FAM110B: variants seen among roughly 807,000 people sequenced by gnomAD.
FAM110B encodes protein FAM110B.
In FAM110B, 6 loss-of-function variants were observed where a neutral mutation model predicts 20.4. The ratio of observed to expected loss-of-function variants is 0.29; its 90% CI spans 0.16 to 0.58. The LOEUF (loss-of-function observed/expected upper bound fraction) is 0.58, where lower values mean the gene tolerates loss of function less well. Among genes scored for constraint, FAM110B ranks in the 20% least tolerant of loss-of-function variants. The pLI is 0.90. For missense variants in FAM110B, 434 were observed against 498.2 expected, an observed-to-expected ratio of 0.87 and a Z score of 1.23; for synonymous variants, 226 against 214.1, an observed-to-expected ratio of 1.06 and a Z score of -0.49.
At chr8:58,002,650 C>G (rs1485642213) in intron 1 of FAM110B, among the ~76,000 whole-genome samples, 3 of 152,168 alleles carry the variant, frequency 2.0e-5, no homozygotes, top group Non-Finnish European at 4.4e-5. Context: ...AAGTGAGTCA[C>G]TTGAATTTTT....
intron 3 of FAM110B, among the ~76,000 whole-genome samples, chr8:58,112,299 A>G (rs567447291): frequency 2.6e-5 from 4 of 152,360 alleles, no homozygotes; most frequent in African/African-American, 9.6e-5. Context: ...ACTGCACTCC[A>G]GCCTGGGTGA....
chr8:58,004,724 G>C (rs1804367132), intron 1 of FAM110B, among the ~76,000 whole-genome samples: 3 of 152,310 alleles, frequency 2.0e-5, no homozygotes, highest in South Asian at 4.1e-4. Flanking sequence ...CAGCCTGGGC[G>C]ACAGAGCAAA....
intron 3 of FAM110B, among the ~76,000 whole-genome samples, chr8:58,133,943 G>A (rs1419840560): frequency 1.3e-5 from 2 of 152,204 alleles, no homozygotes; most frequent in Non-Finnish European, 2.9e-5. Context: ...TATATTTCAA[G>A]TGCAAATTGT....
At chr8:58,094,044 C>T (rs1157970768) in intron 3 of FAM110B, among the ~76,000 whole-genome samples, 2 of 152,134 alleles carry the variant, frequency 1.3e-5, no homozygotes, top group African/African-American at 2.4e-5. Flanking sequence ...ATTTGGCTCT[C>T]TGTTTGTCTA....
At position 58,146,114 on chromosome 8, in the gene FAM110B, ACT is replaced by A; in HGVS notation, c.-115_-114del. On this transcript the variant is annotated 5_prime_UTR_variant, in exon 4 of 4. Coordinates refer to ENST00000519262, the MANE Select transcript of FAM110B (RefSeq NM_001377989.1). The stretch of plus-strand genomic sequence containing the variant: ...CGCTGCTGCGGCCGCTGCTGCTGAC[ACT>A]CGCTCCCAGGCTGCACCCGCCGCCC... The A allele has an allele frequency of 2.4e-6, 3 of 1,230,344 alleles. No individual in the cohort carries two copies. The highest frequency in any genetic ancestry group is 3.3e-6 in the Non-Finnish European group (3 of 898,960). 76.2% of individuals were successfully genotyped at this position (1,230,344 alleles called of 1,614,324 possible).
Position 58,052,772 on chromosome 8 carries a change from C to CTT in FAM110B, c.-414+21099_-414+21100dup, listed in dbSNP as rs71248165. Among the ~76,000 whole-genome samples, 98 of 52,342 alleles carry CTT rather than the reference C, an allele frequency of 1.9e-3. 9 individuals are homozygous for CTT. The highest frequency in any genetic ancestry group is 2.7e-3 in the Non-Finnish European group (79 of 29,148). 34.3% of individuals were successfully genotyped at this position (52,342 alleles called of 152,430 possible). A position where few individuals can be genotyped will look rare whatever the true frequency, so the allele number is the denominator to read the frequency against. On this transcript the variant is annotated intron_variant, in intron 2 of 3. Transcript: ENST00000519262. ...TAGAGTGTGGTGAGAGTGATGGACT[C>CTT]TTTTTTTTTTTTTTTTTTTTTTTTT...
At chr8:58,055,848 TAA>T (rs552365616) in intron 2 of FAM110B, among the ~76,000 whole-genome samples, 198 of 152,340 alleles carry the variant, frequency 1.3e-3, no homozygotes, top group African/African-American at 4.1e-3. Context: ...TGTTTCATGA[TAA>T]AAGTTAACAA....
chr8:58,101,872 T>C (rs1806787519), intron 3 of FAM110B, among the ~76,000 whole-genome samples: 2 of 152,174 alleles, frequency 1.3e-5, no homozygotes, highest in African/African-American at 4.8e-5. Context: ...GTGATAACTG[T>C]CTTAGTTGGA....
chr8:58,122,955 G>T (rs1009729750), intron 3 of FAM110B, among the ~76,000 whole-genome samples: 3 of 152,190 alleles, frequency 2.0e-5, no homozygotes, highest in African/African-American at 7.2e-5. Context: ...ACTTCAGCAG[G>T]CGTCTCCCCC....
rs560800811 is a variant in FAM110B, at chr8:58,136,671, C to A, written c.-324-9236C>A. Among the ~76,000 whole-genome samples the A allele has an allele frequency of 9.2e-5, 14 of 152,292 alleles. No individual in the cohort carries two copies. The South Asian group carries it at 2.9e-3, about 32-fold the overall frequency. Reference sequence around the variant, plus strand: ...TCCCAGGTAAAAGGCAAGGCTCCCCCTCACTGATGCAAGTTAGGGGCCCTC... The same window carrying A: ...TCCCAGGTAAAAGGCAAGGCTCCCCATCACTGATGCAAGTTAGGGGCCCTC... On this transcript the variant is annotated intron_variant, in intron 3 of 3. Coordinates refer to ENST00000519262, the MANE Select transcript of FAM110B (RefSeq NM_001377989.1).
At position 58,146,354 on chromosome 8, in the gene FAM110B, G is replaced by A. The variant is rs1803863458; in HGVS notation, c.124G>A (p.Glu42Lys). The change falls in exon 4 of 4, where the codon GAG becomes AAG. Residue 42 changes from glutamate to lysine, a missense_variant. Coordinates refer to ENST00000519262, the MANE Select transcript of FAM110B (RefSeq NM_001377989.1). ...GCCAGACTACTTCCGCAGGCAGGCC[G>A]AGCCCAACCCCAAGAGGCTCAGCGC... ...KGPDYFRRQA[E>K]PNPKRLSAVE... is the part of the protein sequence containing the mutation. The A allele has an allele frequency of 3.1e-6, 5 of 1,614,062 alleles. No homozygotes were observed. The highest frequency in any genetic ancestry group is 4.2e-6 in the Non-Finnish European group (5 of 1,180,000).
In FAM110B at chr8:58,137,952, G is replaced by T. The variant is rs144620370; in HGVS notation, c.-324-7955G>T. 5.3e-5 allele frequency among the ~76,000 whole-genome samples: 8 copies of T among 152,308 alleles called. No homozygotes were observed. In the East Asian group the frequency reaches 1.5e-3, roughly 29 times the overall value. On this transcript the variant is annotated intron_variant, in intron 3 of 3. Transcript: ENST00000519262. Reference sequence around the variant, plus strand: ...AGTTAAACTGGTTTCTCTTCTCCCAGCTCAGGGCCGCATTGGCTTGGAGAC... The same window carrying T: ...AGTTAAACTGGTTTCTCTTCTCCCATCTCAGGGCCGCATTGGCTTGGAGAC...
At chr8:58,089,331 T>G (rs1046973666) in intron 3 of FAM110B, among the ~76,000 whole-genome samples, 14 of 152,228 alleles carry the variant, frequency 9.2e-5, no homozygotes, top group African/African-American at 3.4e-4. Flanking sequence ...GCTTTCCCTC[T>G]GCTATAGTGC....
At chr8:58,004,668 C>T (rs1368967024) in intron 1 of FAM110B, among the ~76,000 whole-genome samples, 1 of 152,188 alleles carries the variant, frequency 6.6e-6, no homozygotes, top group African/African-American at 2.4e-5. Context: ...TTGCTTGAGC[C>T]CGGGAAGCGG....
At chr8:58,026,387 C>T (rs1804856596) in intron 1 of FAM110B, among the ~76,000 whole-genome samples, 1 of 151,716 alleles carries the variant, frequency 6.6e-6, no homozygotes, top group African/African-American at 2.4e-5. Flanking sequence ...TAACACATGC[C>T]AGCCCATCAG....
At chr8:58,088,677 A>AC (rs1806398150) in intron 3 of FAM110B, among the ~76,000 whole-genome samples, 1 of 152,188 alleles carries the variant, frequency 6.6e-6, no homozygotes. Context: ...TGAGAGTTGC[A>AC]CCTTCATCTT....
chr8:58,040,287 T>C (rs1039635194), intron 2 of FAM110B, among the ~76,000 whole-genome samples: 1 of 152,234 alleles, frequency 6.6e-6, no homozygotes, highest in Non-Finnish European at 1.5e-5. Flanking sequence ...GTTTATTTAT[T>C]GAACATACAG....
intron 2 of FAM110B, among the ~76,000 whole-genome samples, chr8:58,056,715 AATTGTCATAC>A (rs957628307): frequency 2.6e-5 from 4 of 152,164 alleles, no homozygotes; most frequent in African/African-American, 9.7e-5. Flanking sequence ...TGGTAGGTTA[AATTGTCATAC>A]TAATGCATAG....
chr8:58,110,058 G>C (rs1231500009), intron 3 of FAM110B, among the ~76,000 whole-genome samples: 1 of 152,120 alleles, frequency 6.6e-6, no homozygotes, highest in Non-Finnish European at 1.5e-5. Context: ...CTAAGATATG[G>C]GACACCACAA....
Sources: allele counts gnomAD v4.1 joint callset (sites outside exome capture counted in the v4.1 genomes callset), GRCh38; gene constraint gnomAD v4.1.1; transcripts MANE v1.5; gene names NCBI Gene and HGNC (gene_info 2026-07-23, HGNC 2026-07-21).